PAIP1: variants seen among roughly 807,000 people sequenced by gnomAD.
The protein encoded by PAIP1 is poly(A) binding protein interacting protein 1, also known as polyadenylate-binding protein-interacting protein 1.
PAIP1 carries 16 observed loss-of-function variants against 61.3 expected under a neutral mutation model. The ratio of observed to expected loss-of-function variants is 0.26; its 90% confidence interval spans 0.18 to 0.40. The LOEUF (loss-of-function observed/expected upper bound fraction) is 0.40, where lower values mean the gene tolerates loss of function less well. Among genes scored for constraint, PAIP1 ranks in the 10% least tolerant of loss-of-function variants. The pLI is 1.00. For missense variants in PAIP1, 416 were observed against 600.9 expected (o/e 0.69, Z 3.22); for synonymous variants, 187 against 226.2 (o/e 0.83, Z 1.56).
intron 4 of PAIP1, among the ~76,000 whole-genome samples, chr5:43,540,131 G>A (rs1245679388): frequency 6.6e-6 from 1 of 152,204 alleles, no homozygotes; most frequent in Non-Finnish European, 1.5e-5. Context: ...ACAGCTTACT[G>A]TGCTTACGTG....
chr5:43,548,948 T>TC (rs1180280209), intron 2 of PAIP1, among the ~76,000 whole-genome samples: 1 of 151,614 alleles, frequency 6.6e-6, no homozygotes, highest in Non-Finnish European at 1.5e-5. Context: ...AAAGACAGTC[T>TC]TTTTTTTTCT....
At chr5:43,549,066 A>G (rs1270309097) in intron 2 of PAIP1, among the ~76,000 whole-genome samples, 2 of 151,910 alleles carry the variant, frequency 1.3e-5, no homozygotes, top group Non-Finnish European at 2.9e-5. Context: ...TCAGCCTCTC[A>G]AGTAGCTGGG....
At position 43,527,299 on chromosome 5, in the gene PAIP1, A is replaced by ACT; in HGVS notation, c.*76_*77insAG. The ACT allele has an allele frequency of 8.8e-7, 1 of 1,137,394 alleles. No homozygotes were observed. The highest frequency in any genetic ancestry group is 1.2e-6 in the Non-Finnish European group (1 of 823,620). The allele number at this position is 1,137,394 out of a possible 1,614,324, so 70.5% of individuals were successfully genotyped here. A position where few individuals can be genotyped will look rare whatever the true frequency, so the allele number is the denominator to read the frequency against. On this transcript the variant is annotated 3_prime_UTR_variant, in exon 11 of 11. Coordinates refer to ENST00000306846, the MANE Select transcript of PAIP1 (RefSeq NM_006451.5). ...ATCCTTAATTTGGTATAGATGTGAC[A>ACT]TTTTCTTGCTCTCTTGTGTTCTGCT...
intron 1 of PAIP1, chr5:43,556,333 C>A: frequency 2.4e-6 from 3 of 1,235,666 alleles, no homozygotes; most frequent in Non-Finnish European, 3.0e-6. Context: ...TTTACTTCCT[C>A]CCGGGACCCC....
intron 10 of PAIP1, among the ~76,000 whole-genome samples, chr5:43,527,699 T>TAAAAA (rs1481622413): frequency 2.6e-5 from 4 of 152,180 alleles, no homozygotes; most frequent in Non-Finnish European, 5.9e-5. Flanking sequence ...TAGTAAAGAA[T>TAAAAA]ATATATACTT....
chr5:43,544,420 G>A (rs1156230026), intron 3 of PAIP1, among the ~76,000 whole-genome samples: 1 of 152,058 alleles, frequency 6.6e-6, no homozygotes, highest in African/African-American at 2.4e-5. Context: ...GGCACTGCAT[G>A]TTTTCCTTTA....
chr5:43,552,606 G>A lies in PAIP1; in HGVS notation c.435+3224C>T, dbSNP rs547997686. 3.9e-5 allele frequency among the ~76,000 whole-genome samples: 6 copies of A among 152,266 alleles called. No homozygotes were observed. The South Asian group carries it at 1.2e-3, about 32-fold the overall frequency. On this transcript the variant is annotated intron_variant, in intron 2 of 10. Transcript: ENST00000306846. ...GCCAAAGAGGTAGGGGAGAAGAGAT[G>A]CTCATAACAACAAATGCTACAGAAT...
chr5:43,550,297 GAATT>G (rs1747810251), intron 2 of PAIP1, among the ~76,000 whole-genome samples: 2 of 152,038 alleles, frequency 1.3e-5, no homozygotes, highest in Non-Finnish European at 2.9e-5. Context: ...AGGATTAAGT[GAATT>G]AATCAAATTC....
chr5:43,534,968 T>A lies in PAIP1; in HGVS notation c.1082A>T (p.Asp361Val), dbSNP rs1579909644. ...AAGCTTCAAGAGCATCTGTTTTACATCTCTGTAGACAAAGTTGAAAATGAG... is the reference window on the plus strand; with the variant it reads ...AAGCTTCAAGAGCATCTGTTTTACAACTCTGTAGACAAAGTTGAAAATGAG... ...NVVLDANCSR[D>V]VKQMLLKLVE... The change falls in exon 8 of 11, where the codon GAT becomes GTT. Residue 361 changes from aspartate (D) to valine (V), a missense_variant and splice_region_variant. Physicochemically the swap from Asp to Val is radical, Grantham distance 152 (BLOSUM62 -3). Around this residue, in one of 4 missense-constraint regions of PAIP1, gnomAD observed 135 missense variants for 283.9 expected, o/e 0.48. Transcript: ENST00000306846. 2 of 1,556,558 alleles carry A rather than the reference T, an allele frequency of 1.3e-6. No individual in the cohort carries two copies. Among genetic ancestry groups the A allele is most frequent in the Admixed American group, 1.7e-5 (1 of 59,936 alleles).
At chr5:43,538,471 ATATTTTTAAAAAAC>A (rs1747246697) in intron 5 of PAIP1, among the ~76,000 whole-genome samples, 1 of 152,212 alleles carries the variant, frequency 6.6e-6, no homozygotes, top group Non-Finnish European at 1.5e-5. Flanking sequence ...AATTAAAAAA[ATATTTTTAAAAAAC>A]TATTTGGGTG....
Position 43,533,882 on chromosome 5 carries a change from C to G in PAIP1, c.1198-90G>C, listed in dbSNP as rs140932262. The G allele has an allele frequency of 8.8e-6, 7 of 798,546 alleles. No individual in the cohort carries two copies. In the East Asian group the frequency reaches 1.7e-4, roughly 20 times the overall value. 49.5% of individuals were successfully genotyped at this position (798,546 alleles called of 1,614,324 possible). On this transcript the variant is annotated intron_variant, in intron 8 of 10. Transcript: ENST00000306846. ...ATGAAGCATGGCTGATGTCACCCGT[C>G]TGCACCTAATAATGCAAGAACAAGC...
intron 3 of PAIP1, among the ~76,000 whole-genome samples, chr5:43,543,322 A>AG (rs1232640353): frequency 2.0e-5 from 3 of 151,664 alleles, no homozygotes; most frequent in Non-Finnish European, 4.4e-5. Context: ...AAAAAAAAAA[A>AG]AAAAAGAAAA....
In PAIP1 at chr5:43,531,656, C is replaced by A. The variant is rs78637129; in HGVS notation, c.1253-1777G>T. On this transcript the variant is annotated intron_variant, in intron 9 of 10. Coordinates refer to ENST00000306846, the MANE Select transcript of PAIP1 (RefSeq NM_006451.5). ...TGGGTAACAGAGTGAGACTCTGTCTCAAAAAAAAAAAAAAAAAAAAAGAGA... is the reference window on the plus strand; with the variant it reads ...TGGGTAACAGAGTGAGACTCTGTCTAAAAAAAAAAAAAAAAAAAAAAGAGA... Among the ~76,000 whole-genome samples the A allele has an allele frequency of 7.9e-4, 47 of 59,864 alleles. No individual in the cohort carries two copies. The East Asian group carries it at 0.018, about 23-fold the overall frequency. The allele number at this position is 59,864 out of a possible 152,430, so 39.3% of individuals were successfully genotyped here.
chr5:43,538,041 G>A (rs10941642), intron 5 of PAIP1, among the ~76,000 whole-genome samples: 2,076 of 147,438 alleles, frequency 0.014, 56 homozygotes, highest in East Asian at 0.13. Flanking sequence ...CTATTACACA[G>A]TAATAATGCC....
Position 43,555,983 on chromosome 5 carries a change from C to G in PAIP1, c.282G>C (p.Leu94=), listed in dbSNP as rs762769974. The G allele has an allele frequency of 6.2e-7, 1 of 1,613,014 alleles. No homozygotes were observed. Residue 94 remains leucine, a synonymous_variant, in exon 2 of 11, where the codon CTG becomes CTC. Coordinates refer to ENST00000306846, the MANE Select transcript of PAIP1 (RefSeq NM_006451.5). ...PGALPEQTRP[L]RAPPSSQDKI... ...TATCCTGTGAACTAGGTGGAGCTCT[C>G]AGGGGCCTCGTTTGCTCTGCAAAAG...
At position 43,538,889 on chromosome 5, in the gene PAIP1, C is replaced by A. The variant is rs773291960; in HGVS notation, c.846+35G>T. ...ATTGAGATCAACTTATGTTCTCAGG[C>A]CTTGTTAGTACTTAACAAAAGAAAA... is the stretch of plus-strand genomic sequence containing the variant. On this transcript the variant is annotated intron_variant, in intron 5 of 10. Coordinates refer to ENST00000306846, the MANE Select transcript of PAIP1 (RefSeq NM_006451.5). 18 of 1,018,006 alleles carry A rather than the reference C, an allele frequency of 1.8e-5. No individual in the cohort carries two copies. The South Asian group carries it at 2.3e-4, about 13-fold the overall frequency. 63.1% of individuals were successfully genotyped at this position (1,018,006 alleles called of 1,614,324 possible). A position where few individuals can be genotyped will look rare whatever the true frequency, so the allele number is the denominator to read the frequency against.
rs1268748975 is a variant in PAIP1 at position 43,556,925 on chromosome 5, G to C, written c.-79C>G. ...AGGACGCGGGGGGAAGGCGCCGCGGGTCGGCTATAGCCGCCGCGCCTCACT... is the reference window on the plus strand; with the variant it reads ...AGGACGCGGGGGGAAGGCGCCGCGGCTCGGCTATAGCCGCCGCGCCTCACT... On this transcript the variant is annotated 5_prime_UTR_variant, in exon 1 of 11. Coordinates refer to ENST00000306846, the MANE Select transcript of PAIP1 (RefSeq NM_006451.5). 7.6e-7 allele frequency: 1 copy of C among 1,312,596 alleles called. No individual in the cohort carries two copies. Among genetic ancestry groups the C allele is most frequent in the African/African-American group, 1.6e-5 (1 of 64,488 alleles). 81.3% of individuals were successfully genotyped at this position (1,312,596 alleles called of 1,614,324 possible). A position where few individuals can be genotyped will look rare whatever the true frequency, so the allele number is the denominator to read the frequency against.
chr5:43,552,589 G>A (rs1747905995), intron 2 of PAIP1, among the ~76,000 whole-genome samples: 1 of 152,144 alleles, frequency 6.6e-6, no homozygotes, highest in South Asian at 2.1e-4. Flanking sequence ...AAGCCAAAGA[G>A]GTAGGGGAGA....
chr5:43,544,153 A>T (rs1747538343), intron 3 of PAIP1, among the ~76,000 whole-genome samples: 1 of 149,956 alleles, frequency 6.7e-6, no homozygotes, highest in Non-Finnish European at 1.5e-5. Context: ...TTTTAAAAAA[A>T]AAAAAAAAAA....
Sources: allele counts gnomAD v4.1 joint callset (sites outside exome capture counted in the v4.1 genomes callset), GRCh38; gene constraint gnomAD v4.1.1; regional missense constraint gnomAD v4.1.1; transcripts MANE v1.5; gene names NCBI Gene and HGNC (gene_info 2026-07-23, HGNC 2026-07-21).